Variants in FHIT observed in about 807,000 individuals in gnomAD.
The protein encoded by FHIT is bis(5'-adenosyl)-triphosphatase.
Under a neutral mutation model 17.9 loss-of-function variants are expected in FHIT, and 19 were observed. That is an observed-to-expected ratio of 1.06 (90% CI 0.74 to 1.56). FHIT has a LOEUF of 1.56. FHIT is among the 40% of genes most tolerant of loss of function. FHIT has a pLI of 0.00. For synonymous variants in FHIT, 81 were observed against 69.7 expected (o/e 1.16, Z -0.81); for missense variants, 248 against 189.2 (o/e 1.31, Z -1.82).
intron 8 of FHIT, among the ~76,000 whole-genome samples, chr3:59,876,351 G>A (rs73100604): frequency 0.022 from 3,388 of 152,280 alleles, 48 homozygotes; most frequent in South Asian, 0.062. Context: ...GATTTTTGGT[G>A]TTTGATAAGC....
At chr3:59,786,224 A>G (rs1337285946) in intron 8 of FHIT, among the ~76,000 whole-genome samples, 1 of 152,154 alleles carries the variant, frequency 6.6e-6, no homozygotes, top group Non-Finnish European at 1.5e-5. Flanking sequence ...CAACAGAGAC[A>G]AAAGAGTTAA....
chr3:60,245,800 C>T (rs1372776880), intron 5 of FHIT, among the ~76,000 whole-genome samples: 1 of 151,900 alleles, frequency 6.6e-6, no homozygotes, highest in East Asian at 1.9e-4. Context: ...ATATTGGCAA[C>T]TGATCCAGAA....
intron 4 of FHIT, among the ~76,000 whole-genome samples, chr3:60,539,426 A>G (rs1470491367): frequency 6.6e-6 from 1 of 152,208 alleles, no homozygotes; most frequent in East Asian, 1.9e-4. Flanking sequence ...CATTTGACCC[A>G]GCCATCCCAT....
At chr3:59,952,276 A>C (rs1707154722) in intron 7 of FHIT, among the ~76,000 whole-genome samples, 1 of 152,186 alleles carries the variant, frequency 6.6e-6, no homozygotes, top group South Asian at 2.1e-4. Flanking sequence ...TTTGTCTATA[A>C]GACCACCCAC....
intron 5 of FHIT, among the ~76,000 whole-genome samples, chr3:60,185,492 G>A (rs1256996042): frequency 6.6e-6 from 1 of 152,174 alleles, no homozygotes; most frequent in African/African-American, 2.4e-5. Flanking sequence ...TTCTACAGAT[G>A]TAACAGAGCT....
At chr3:60,875,725 C>G (rs1553756321) in intron 3 of FHIT, among the ~76,000 whole-genome samples, 1 of 151,928 alleles carries the variant, frequency 6.6e-6, no homozygotes, top group Non-Finnish European at 1.5e-5. Context: ...ATATGATTTT[C>G]ATAACAATCC....
intron 8 of FHIT, 138 bp from the exon 9 acceptor site, chr3:59,752,459 C>CTACAACTTGCAAATAGGCTTTA (rs1228552756): frequency 1.7e-5 from 10 of 593,096 alleles, no homozygotes; most frequent in Non-Finnish European, 3.0e-5. Flanking sequence ...GTTTCAGTTG[C>CTACAACTTGCAAATAGGCTTTA]TACAACTTGC....
At chr3:59,841,046 A>G (rs2106748852) in intron 8 of FHIT, among the ~76,000 whole-genome samples, 1 of 152,204 alleles carries the variant, frequency 6.6e-6, no homozygotes, top group Middle Eastern at 3.4e-3. Context: ...AGTTGGTTTA[A>G]TTTTCGCCAT....
chr3:61,221,279 C>T (rs1197985372), intron 1 of FHIT, among the ~76,000 whole-genome samples: 12 of 152,220 alleles, frequency 7.9e-5, no homozygotes, highest in South Asian at 2.1e-4. Flanking sequence ...TTTCTCAGAA[C>T]GGGATGACAT....
intron 4 of FHIT, among the ~76,000 whole-genome samples, chr3:60,693,694 T>C (rs1215234218): frequency 1.3e-5 from 2 of 152,242 alleles, no homozygotes; most frequent in African/African-American, 4.8e-5. Context: ...TACTCTTCAC[T>C]TGACCTCGTC....
intron 5 of FHIT, among the ~76,000 whole-genome samples, chr3:60,261,693 A>C (rs1021088285): frequency 6.6e-6 from 1 of 152,046 alleles, no homozygotes; most frequent in African/African-American, 2.4e-5. Flanking sequence ...TACGTTACTG[A>C]TGACGTTCAG....
intron 5 of FHIT, among the ~76,000 whole-genome samples, chr3:60,502,097 T>G (rs1490267833): frequency 2.0e-5 from 3 of 152,220 alleles, no homozygotes; most frequent in Admixed American, 1.3e-4. Flanking sequence ...TTGGATCCAG[T>G]AGAGGAGGCA....
intron 8 of FHIT, among the ~76,000 whole-genome samples, chr3:59,829,055 A>G (rs753917387): frequency 6.6e-6 from 1 of 152,208 alleles, no homozygotes; most frequent in African/African-American, 2.4e-5. Flanking sequence ...ATGCAGAATG[A>G]TGTTTATTTT....
intron 5 of FHIT, among the ~76,000 whole-genome samples, chr3:60,394,412 T>C (rs1477276869): frequency 1.3e-5 from 2 of 152,132 alleles, no homozygotes; most frequent in Non-Finnish European, 2.9e-5. Flanking sequence ...TACCTACAAA[T>C]GTTATGTTAA....
At chr3:60,605,727 C>T (rs549439873) in intron 4 of FHIT, among the ~76,000 whole-genome samples, 8 of 152,104 alleles carry the variant, frequency 5.3e-5, no homozygotes, top group Non-Finnish European at 1.2e-4. Context: ...GCTAGAGGTA[C>T]GGACAGGAGG....
intron 7 of FHIT, among the ~76,000 whole-genome samples, chr3:59,925,468 G>C (rs1412520484): frequency 1.3e-5 from 2 of 152,100 alleles, no homozygotes; most frequent in African/African-American, 4.8e-5. Flanking sequence ...TCCTTGCGTG[G>C]TCCTCAGGAA....
intron 5 of FHIT, among the ~76,000 whole-genome samples, chr3:60,146,184 C>T (rs1326954550): frequency 5.3e-5 from 8 of 150,670 alleles, no homozygotes; most frequent in Non-Finnish European, 1.2e-4. Flanking sequence ...GACAAGAAGC[C>T]TTGTGACTTT....
rs112736770 is a variant in FHIT, at chr3:59,860,757, G to A, written c.348+61589C>T. Among the ~76,000 whole-genome samples the A allele has an allele frequency of 1.8e-3, 281 of 152,256 alleles. 1 individual carries two copies. Among genetic ancestry groups the A allele is most frequent in the African/African-American group, 6.5e-3 (271 of 41,546 alleles). ...AACAGAATAAAAAGGAGCCACCAGA[G>A]AGTGTCAGATAAGGTGTGAGGAAAC... On this transcript the variant is annotated intron_variant, in intron 8 of 9. Transcript: ENST00000492590.
chr3:59,928,728 G>A (rs182321404), intron 7 of FHIT, among the ~76,000 whole-genome samples: 16 of 152,248 alleles, frequency 1.1e-4, no homozygotes, highest in Admixed American at 9.2e-4. Context: ...CGGGTGCGGC[G>A]GCTCACGCCT....
Sources: gnomAD v4.1 joint callset for allele counts (sites outside exome capture counted in the v4.1 genomes callset) on GRCh38, gnomAD v4.1.1 for gene constraint, MANE v1.5 for transcripts, NCBI Gene and HGNC (gene_info 2026-07-23, HGNC 2026-07-21) for gene names.